ERI3: variants seen among roughly 807,000 people sequenced by gnomAD.
ERI3 encodes ERI1 exoribonuclease 3.
A neutral mutation model predicts 44.4 loss-of-function variants in ERI3; 18 were observed. The observed-to-expected ratio is 0.41, with a 90% CI of 0.28 to 0.60. The LOEUF is 0.60. ERI3 is among the 20% of genes least tolerant of loss of function. ERI3 has a pLI of 0.36. For synonymous variants in ERI3, 183 were observed against 164.8 expected, an observed-to-expected ratio of 1.11 and a Z score of -0.84; for missense variants, 294 against 435.5, an observed-to-expected ratio of 0.68 and a Z score of 2.89.
intron 2 of ERI3, among the ~76,000 whole-genome samples, chr1:44,341,468 G>A (rs1246623564): frequency 3.3e-5 from 5 of 152,138 alleles, no homozygotes; most frequent in African/African-American, 1.2e-4. Context: ...GAGTAATATC[G>A]ATGTCTTCTG....
intron 7 of ERI3, chr1:44,256,865 G>A (rs1644791834): frequency 6.6e-6 from 1 of 152,236 alleles, no homozygotes; most frequent in Admixed American, 6.5e-5. Flanking sequence ...TGGGGACAGT[G>A]AAGTTTCTGG....
intron 3 of ERI3, among the ~76,000 whole-genome samples, chr1:44,321,796 G>T (rs978693822): frequency 1.3e-5 from 2 of 152,170 alleles, no homozygotes; most frequent in Non-Finnish European, 2.9e-5. Flanking sequence ...AATTTAACCT[G>T]TGACACAACT....
At chr1:44,333,576 A>G (rs1175850829) in intron 3 of ERI3, among the ~76,000 whole-genome samples, 1 of 152,234 alleles carries the variant, frequency 6.6e-6, no homozygotes, top group East Asian at 1.9e-4. Context: ...TGGGGCAAAG[A>G]GCAATGTGTT....
intron 2 of ERI3, among the ~76,000 whole-genome samples, chr1:44,340,547 G>A (rs758205764): frequency 1.3e-5 from 2 of 152,164 alleles, no homozygotes; most frequent in Non-Finnish European, 2.9e-5. Context: ...AGGCAATGAG[G>A]CCACTACCAC....
chr1:44,324,711 T>C (rs1277020476), intron 3 of ERI3, among the ~76,000 whole-genome samples: 1 of 152,130 alleles, frequency 6.6e-6, no homozygotes, highest in African/African-American at 2.4e-5. Flanking sequence ...CTCAATCTCC[T>C]GACCTCGTGA....
chr1:44,223,376 G>C (rs1643950830), intron 8 of ERI3, among the ~76,000 whole-genome samples: 1 of 152,076 alleles, frequency 6.6e-6, no homozygotes, highest in Non-Finnish European at 1.5e-5. Context: ...GGGACCGGAA[G>C]GGGCCTAAGA....
At chr1:44,230,806 A>G (rs1323049758) in intron 8 of ERI3, among the ~76,000 whole-genome samples, 4 of 152,184 alleles carry the variant, frequency 2.6e-5, no homozygotes, top group Non-Finnish European at 5.9e-5. Flanking sequence ...TTTAGTACTA[A>G]TGGCCTTCTC....
chr1:44,333,827 C>A (rs1646478784), intron 3 of ERI3, among the ~76,000 whole-genome samples: 1 of 152,156 alleles, frequency 6.6e-6, no homozygotes, highest in African/African-American at 2.4e-5. Context: ...CCCCACATAT[C>A]CTTCAAAAAT....
At chr1:44,286,912 G>A (rs951820160) in intron 6 of ERI3, among the ~76,000 whole-genome samples, 3 of 152,192 alleles carry the variant, frequency 2.0e-5, no homozygotes, top group South Asian at 2.1e-4. Context: ...ACAATATGCC[G>A]TGAGTCAGGA....
At chr1:44,257,482 T>C (rs1462120055) in intron 7 of ERI3, among the ~76,000 whole-genome samples, 1 of 152,212 alleles carries the variant, frequency 6.6e-6, no homozygotes, top group African/African-American at 2.4e-5. Flanking sequence ...GTCCATCTTG[T>C]GGTTCCTCAG....
chr1:44,259,138 CAA>C lies in ERI3; in HGVS notation c.832-11102_832-11101del, dbSNP rs1644836324. Among the ~76,000 whole-genome samples the C allele has an allele frequency of 2.0e-5, 3 of 152,202 alleles. No homozygotes were observed. The South Asian group carries it at 6.2e-4, about 31-fold the overall frequency. ...CTCAGAGAGCTTCCACAGCTTTCTC[CAA>C]GAGACTTAAGCTCAAAGGAACTGTA... is the stretch of plus-strand genomic sequence containing the variant. On this transcript the variant is annotated intron_variant, in intron 7 of 8. Coordinates refer to ENST00000372257, the MANE Select transcript of ERI3 (RefSeq NM_024066.3).
chr1:44,256,519 G>A (rs1426005853), intron 7 of ERI3, among the ~76,000 whole-genome samples: 1 of 152,104 alleles, frequency 6.6e-6, no homozygotes, highest in African/African-American at 2.4e-5. Context: ...AGTGTTCTCC[G>A]GCTACCAACA....
intron 2 of ERI3, among the ~76,000 whole-genome samples, chr1:44,346,406 G>A (rs887196743): frequency 1.1e-4 from 16 of 152,254 alleles, no homozygotes; most frequent in Admixed American, 7.8e-4. Context: ...TTTGCCTGCT[G>A]TTTGCTAACC....
chr1:44,339,271 G>C lies in ERI3; in HGVS notation c.263C>G (p.Ala88Gly), dbSNP rs765094006. ...TGAAAGTAAATACGAAGAAAATCGA[G>C]CTGCTCCAGTCTGTAAAGGTGCTAG... ...SMLAPLQTGA[A>G]RFSSYLLSRA... Residue 88 changes from alanine (A) to glycine (G), a missense_variant, in exon 3 of 9, where the codon GCT (alanine) becomes GGT (glycine). By Grantham distance (60) the Ala-to-Gly change is moderately conservative (BLOSUM62 0). Coordinates refer to ENST00000372257, the MANE Select transcript of ERI3 (RefSeq NM_024066.3). 6.2e-7 allele frequency: 1 copy of C among 1,611,128 alleles called. No homozygotes were observed. Among genetic ancestry groups the C allele is most frequent in the Non-Finnish European group, 8.5e-7 (1 of 1,179,504 alleles).
intron 3 of ERI3, among the ~76,000 whole-genome samples, chr1:44,327,527 T>C (rs1479500500): frequency 1.3e-5 from 2 of 152,226 alleles, no homozygotes; most frequent in African/African-American, 4.8e-5. Context: ...GTACTATTAT[T>C]AACCCCACTT....
At chr1:44,243,076 T>TA (rs1315779517) in intron 8 of ERI3, among the ~76,000 whole-genome samples, 1 of 152,224 alleles carries the variant, frequency 6.6e-6, no homozygotes, top group Non-Finnish European at 1.5e-5. Flanking sequence ...GGACTCTTGA[T>TA]AGACACCCCA....
chr1:44,325,148 G>A (rs1461357445), intron 3 of ERI3, among the ~76,000 whole-genome samples: 2 of 147,772 alleles, frequency 1.4e-5, no homozygotes, highest in Non-Finnish European at 3.0e-5. Flanking sequence ...ACAATCTCCG[G>A]CTCAATGTAA....
rs774984682 is a variant in ERI3, at chr1:44,231,343, T to C, written c.932-9703A>G. On this transcript the variant is annotated intron_variant, in intron 8 of 8. Transcript: ENST00000372257. ...TTTATACCCTTACTCTCTCCATATA[T>C]ATTGTCTCTCCTGTATTCACATTTT... Among the ~76,000 whole-genome samples, 11 of 152,250 alleles carry C rather than the reference T, an allele frequency of 7.2e-5. No individual in the cohort carries two copies. The Middle Eastern group carries it at 0.014, about 188-fold the overall frequency.
At chr1:44,338,585 C>T (rs1051503293) in intron 3 of ERI3, among the ~76,000 whole-genome samples, 2 of 152,158 alleles carry the variant, frequency 1.3e-5, no homozygotes, top group African/African-American at 4.8e-5. Flanking sequence ...CCTCAGAAGT[C>T]GTACATTATC....
Sources: gnomAD v4.1 joint callset for allele counts (sites outside exome capture counted in the v4.1 genomes callset) on GRCh38, gnomAD v4.1.1 for gene constraint, MANE v1.5 for transcripts, NCBI Gene and HGNC (gene_info 2026-07-23, HGNC 2026-07-21) for gene names.